SPIRE1: variants seen among roughly 807,000 people sequenced by gnomAD.
SPIRE1 encodes the protein protein spire homolog 1.
SPIRE1 carries 40 observed loss-of-function variants against 94.1 expected under a neutral mutation model. The ratio of observed to expected loss-of-function variants is 0.43; its 90% CI spans 0.33 to 0.55. The LOEUF (loss-of-function observed/expected upper bound fraction) is 0.55, where lower values mean the gene tolerates loss of function less well. Ranked by LOEUF, SPIRE1 falls within the 20% of genes least tolerant of loss-of-function variation. The pLI is 0.06. For missense variants in SPIRE1, 838 were observed against 975.2 expected (o/e 0.86, Z 1.87); for synonymous variants, 376 against 371.7 (o/e 1.01, Z -0.13).
In SPIRE1 at chr18:12,526,092, C is replaced by CACACACACACAG. The variant is rs765621602; in HGVS notation, c.729+9383_729+9384insCTGTGTGTGTGT. On this transcript the variant is annotated intron_variant, in intron 4 of 16. Transcript: ENST00000409402. Reference sequence around the variant, plus strand: ...ACACACACACACACACACACACACACAGAGATGTATCTGATGCCTGCAGAA... The same window carrying CACACACACACAG: ...ACACACACACACACACACACACACACACACACACACAGAGAGATGTATCTGATGCCTGCAGAA... Among the ~76,000 whole-genome samples the CACACACACACAG allele has an allele frequency of 1.8e-3, 267 of 149,068 alleles. 2 individuals carry two copies. Among genetic ancestry groups the CACACACACACAG allele is most frequent in the Non-Finnish European group, 2.5e-3 (170 of 67,034 alleles).
intron 2 of SPIRE1, among the ~76,000 whole-genome samples, chr18:12,570,092 T>A (rs1206686174): frequency 6.6e-6 from 1 of 152,176 alleles, no homozygotes; most frequent in Admixed American, 6.5e-5. Flanking sequence ...ACGTATCCCA[T>A]AATCAAGTCT....
In SPIRE1 at chr18:12,479,727, A is replaced by G; in HGVS notation, c.1376T>C (p.Leu459Pro). 6.2e-7 allele frequency: 1 copy of G among 1,613,606 alleles called. No homozygotes were observed. Among genetic ancestry groups the G allele is most frequent in the Non-Finnish European group, 8.5e-7 (1 of 1,179,812 alleles). The change falls in exon 10 of 17, where the codon CTG becomes CCG. Residue 459 changes from leucine (L) to proline (P), a missense_variant. By Grantham distance (98) the Leu-to-Pro change is moderately conservative. Transcript: ENST00000409402. ...AGACTCAGAGCTGTCCAGTTCGGCC[A>G]GAGTTGGGGCTCTGAGGAGCTTCTT... ...QRKKLLRAPT[L>P]AELDSSESEE...
intron 1 of SPIRE1, among the ~76,000 whole-genome samples, chr18:12,648,527 CAG>C (rs2144881006): frequency 6.6e-6 from 1 of 151,734 alleles, no homozygotes; most frequent in South Asian, 2.1e-4. Context: ...TGTCACAGAC[CAG>C]AAGAAACTAA....
chr18:12,525,047 C>T (rs1206510348), intron 4 of SPIRE1, among the ~76,000 whole-genome samples: 3 of 151,132 alleles, frequency 2.0e-5, no homozygotes, highest in Non-Finnish European at 4.4e-5. Context: ...GAGGCCGAGG[C>T]AGGCAGATCA....
rs1216654067 is a variant in SPIRE1, at chr18:12,657,576, G to A, written c.291C>T (p.Thr97=). 2 of 1,241,536 alleles carry A rather than the reference G, an allele frequency of 1.6e-6. No individual in the cohort carries two copies. Among genetic ancestry groups the A allele is most frequent in the African/African-American group, 1.6e-5 (1 of 64,174 alleles). 76.9% of individuals were successfully genotyped at this position (1,241,536 alleles called of 1,614,324 possible). The part of the protein sequence containing the change: ...QIRVWRDGAV[T]LAPAADDAGE... ...CCGCGTCGTCGGCCGCGGGCGCCAG[G>A]GTGACGGCGCCGTCCCTCCAGACGC... is the stretch of plus-strand genomic sequence containing the variant. The change falls in exon 1 of 17, where the codon ACC becomes ACT. Residue 97 remains threonine, a synonymous_variant. Transcript: ENST00000409402.
intron 2 of SPIRE1, among the ~76,000 whole-genome samples, chr18:12,631,255 T>C (rs112062887): frequency 0.014 from 2,120 of 152,126 alleles, 58 homozygotes; most frequent in African/African-American, 0.048. Context: ...CAATATTTAC[T>C]GTATTAGAAA....
intron 4 of SPIRE1, among the ~76,000 whole-genome samples, chr18:12,516,895 G>A (rs2034212275): frequency 6.6e-6 from 1 of 152,116 alleles, no homozygotes; most frequent in African/African-American, 2.4e-5. Context: ...TTTGTGCTGT[G>A]ATCAAATCCC....
intron 8 of SPIRE1, among the ~76,000 whole-genome samples, chr18:12,486,848 C>A (rs73403736): frequency 0.015 from 2,296 of 152,164 alleles, 60 homozygotes; most frequent in African/African-American, 0.052. Flanking sequence ...ATAAATAATT[C>A]ATAAGATTTA....
At chr18:12,657,428 G>C (rs915623749) in intron 1 of SPIRE1, 102 bp downstream of exon 1, 13 of 976,364 alleles carry the variant, frequency 1.3e-5, no homozygotes, top group South Asian at 5.3e-5. Context: ...TGGCAAAATG[G>C]GGGGGGACGG....
At chr18:12,541,705 A>G (rs758618810) in intron 3 of SPIRE1, among the ~76,000 whole-genome samples, 5 of 152,048 alleles carry the variant, frequency 3.3e-5, no homozygotes, top group Non-Finnish European at 5.9e-5. Context: ...TATAGTGTCT[A>G]CTCAGTAAAC....
chr18:12,630,590 C>T (rs1275350828), intron 2 of SPIRE1, among the ~76,000 whole-genome samples: 1 of 152,194 alleles, frequency 6.6e-6, no homozygotes, highest in Non-Finnish European at 1.5e-5. Flanking sequence ...ACCTGGGAGG[C>T]AGAGGTTGCA....
At chr18:12,550,617 C>T (rs2035320859) in intron 2 of SPIRE1, among the ~76,000 whole-genome samples, 1 of 152,166 alleles carries the variant, frequency 6.6e-6, no homozygotes, top group Admixed American at 6.5e-5. Flanking sequence ...CTGCCTTGGT[C>T]TCCCAAAGTG....
intron 2 of SPIRE1, among the ~76,000 whole-genome samples, chr18:12,576,011 C>T (rs1392524796): frequency 1.3e-5 from 2 of 151,978 alleles, no homozygotes; most frequent in South Asian, 4.2e-4. Flanking sequence ...CAAGACCAGC[C>T]TGACCAACAT....
intron 2 of SPIRE1, among the ~76,000 whole-genome samples, chr18:12,573,195 A>G (rs981955853): frequency 3.3e-5 from 5 of 152,358 alleles, no homozygotes; most frequent in Non-Finnish European, 5.9e-5. Context: ...TGTACACCTC[A>G]CCAAAGAAGA....
chr18:12,485,606 GTTTTTTTCTA>G (rs2033009223), intron 9 of SPIRE1, among the ~76,000 whole-genome samples: 2 of 152,220 alleles, frequency 1.3e-5, no homozygotes, highest in Admixed American at 6.6e-5. Flanking sequence ...TTTCTATGAA[GTTTTTTTCTA>G]TTCTCTTAGG....
intron 2 of SPIRE1, among the ~76,000 whole-genome samples, chr18:12,547,313 T>C (rs2035202040): frequency 1.3e-5 from 2 of 152,178 alleles, no homozygotes; most frequent in Non-Finnish European, 2.9e-5. Flanking sequence ...TACACACTTC[T>C]CTAGTTCCAT....
Position 12,487,751 on chromosome 18 carries a change from A to G in SPIRE1, c.1190-1751T>C, listed in dbSNP as rs2033091410. ...CCTGTTGAAGCACTCTGCTTTTACA[A>G]TTTATGCATATAATAACCACTAAAT... is the stretch of plus-strand genomic sequence containing the variant. On this transcript the variant is annotated intron_variant, in intron 8 of 16. Coordinates refer to ENST00000409402, the MANE Select transcript of SPIRE1 (RefSeq NM_001128626.2). Among the ~76,000 whole-genome samples the G allele has an allele frequency of 2.6e-5, 4 of 152,226 alleles. No homozygotes were observed. The South Asian group carries it at 8.3e-4, about 31-fold the overall frequency.
At chr18:12,514,459 T>TC (rs1360206020) in intron 4 of SPIRE1, among the ~76,000 whole-genome samples, 1 of 152,212 alleles carries the variant, frequency 6.6e-6, no homozygotes, top group Non-Finnish European at 1.5e-5. Flanking sequence ...AAGAATTTTT[T>TC]TTTTTTTGTA....
upstream of SPIRE1, among the ~76,000 whole-genome samples, chr18:12,660,258 T>C (rs991288244): frequency 6.6e-6 from 1 of 151,986 alleles, no homozygotes; most frequent in Non-Finnish European, 1.5e-5. Flanking sequence ...ATCCAAACTT[T>C]ATCTTTTAAA....
Sources: gnomAD v4.1 joint callset for allele counts (sites outside exome capture counted in the v4.1 genomes callset) on GRCh38, gnomAD v4.1.1 for gene constraint, MANE v1.5 for transcripts, NCBI Gene and HGNC (gene_info 2026-07-23, HGNC 2026-07-21) for gene names.